The following CYP2C19 variants were observed in gnomAD, a reference collection of about 807,000 sequenced individuals.
The protein encoded by CYP2C19 is cytochrome P450 2C19.
A neutral mutation model predicts 40.9 loss-of-function variants in CYP2C19; 59 were observed. The observed-to-expected ratio is 1.44, with a 90% CI of 1.17 to 1.79. The LOEUF (loss-of-function observed/expected upper bound fraction) is 1.79. CYP2C19 is among the 40% of genes most tolerant of loss of function. The pLI is 0.00. For synonymous variants in CYP2C19, 253 were observed against 208.7 expected, an observed-to-expected ratio of 1.21 and a Z score of -1.83; for missense variants, 754 against 596.9, an observed-to-expected ratio of 1.26 and a Z score of -2.74.
chr10:94,813,059 A>C (rs1421928889), intron 5 of CYP2C19, among the ~76,000 whole-genome samples: 1 of 151,192 alleles, frequency 6.6e-6, no homozygotes, highest in Non-Finnish European at 1.5e-5. Context: ...TTGCGTGGAC[A>C]TCCTTTTTGT....
chr10:94,793,085 T>C (rs559675059), intron 5 of CYP2C19, among the ~76,000 whole-genome samples: 45 of 152,290 alleles, frequency 3.0e-4, no homozygotes, highest in Non-Finnish European at 5.7e-4. Flanking sequence ...ACTTCCCTTC[T>C]AGCTTCATTT....
At chr10:94,833,285 C>G (rs1219801509) in intron 6 of CYP2C19, among the ~76,000 whole-genome samples, 1 of 152,068 alleles carries the variant, frequency 6.6e-6, no homozygotes, top group African/African-American at 2.4e-5. Context: ...GCTAGGTCAT[C>G]TAGTAGTATG....
At chr10:94,839,478 CAG>C (rs1242606285) in intron 6 of CYP2C19, among the ~76,000 whole-genome samples, 4 of 152,322 alleles carry the variant, frequency 2.6e-5, no homozygotes, top group African/African-American at 9.6e-5. Flanking sequence ...CCTTTGTACT[CAG>C]GGGTGAGTCC....
chr10:94,791,696 T>C (rs1848607627), intron 5 of CYP2C19, among the ~76,000 whole-genome samples: 1 of 152,204 alleles, frequency 6.6e-6, no homozygotes, highest in Non-Finnish European at 1.5e-5. Context: ...TTCTTAATCC[T>C]GAGTTCTAGT....
intron 5 of CYP2C19, among the ~76,000 whole-genome samples, chr10:94,785,711 A>T (rs1011619561): frequency 1.3e-5 from 2 of 152,126 alleles, no homozygotes; most frequent in Non-Finnish European, 2.9e-5. Flanking sequence ...TCTGGCAAAG[A>T]GCATCGCGTA....
At chr10:94,795,922 C>T (rs1848679202) in intron 5 of CYP2C19, among the ~76,000 whole-genome samples, 1 of 152,000 alleles carries the variant, frequency 6.6e-6, no homozygotes, top group Non-Finnish European at 1.5e-5. Flanking sequence ...GAGTAGATTG[C>T]AAAAATTTTC....
intron 7 of CYP2C19, among the ~76,000 whole-genome samples, chr10:94,844,738 C>G (rs1168832008): frequency 6.6e-6 from 1 of 152,176 alleles, no homozygotes; most frequent in African/African-American, 2.4e-5. Context: ...CTTCAATGCA[C>G]TCTGTTTTCA....
At chr10:94,791,325 G>T (rs938594539) in intron 5 of CYP2C19, among the ~76,000 whole-genome samples, 3 of 151,970 alleles carry the variant, frequency 2.0e-5, no homozygotes, top group Non-Finnish European at 4.4e-5. Context: ...CCAGCTCCTG[G>T]ATTCATTAAC....
intron 6 of CYP2C19, among the ~76,000 whole-genome samples, chr10:94,827,794 G>A (rs1417766945): frequency 5.3e-5 from 8 of 151,954 alleles, no homozygotes; most frequent in South Asian, 2.1e-4. Context: ...TTCTCTTGTG[G>A]GCATTTAGTG....
chr10:94,782,980 G>T (rs1848498591), intron 5 of CYP2C19, among the ~76,000 whole-genome samples: 1 of 151,936 alleles, frequency 6.6e-6, no homozygotes, highest in South Asian at 2.1e-4. Flanking sequence ...GCTTGGGGAG[G>T]GATAACATTA....
At chr10:94,793,996 G>A (rs191991016) in intron 5 of CYP2C19, among the ~76,000 whole-genome samples, 7,881 of 152,144 alleles carry the variant, frequency 0.052, 259 homozygotes, top group South Asian at 0.12. Flanking sequence ...CTTGAGGTGC[G>A]GTGGTCTCCA....
intron 6 of CYP2C19, among the ~76,000 whole-genome samples, chr10:94,828,013 A>G (rs1188372244): frequency 2.0e-5 from 3 of 151,922 alleles, no homozygotes; most frequent in Admixed American, 1.3e-4. Flanking sequence ...GTTTGATTGC[A>G]CTGTGGTCTG....
rs568310876 is a variant in CYP2C19, at chr10:94,777,321, C to T, written c.481+1782C>T. ...AACTACTTTAAATTTCATATGGAAC[C>T]AAAAAAGAGCTTGTAAAGCCAAGAC... On this transcript the variant is annotated intron_variant, in intron 3 of 8. Transcript: ENST00000371321. Among the ~76,000 whole-genome samples the T allele has an allele frequency of 2.4e-3, 364 of 152,004 alleles. 2 individuals carry two copies. Among genetic ancestry groups the T allele is most frequent in the Admixed American group, 4.8e-3 (73 of 15,258 alleles).
At chr10:94,847,636 C>T (rs1021534580) in intron 7 of CYP2C19, among the ~76,000 whole-genome samples, 2 of 152,082 alleles carry the variant, frequency 1.3e-5, no homozygotes, top group Non-Finnish European at 2.9e-5. Flanking sequence ...AGTTCTAGAC[C>T]CCTGAGGAAT....
chr10:94,822,313 G>A (rs1385669766), intron 6 of CYP2C19, among the ~76,000 whole-genome samples: 2 of 152,104 alleles, frequency 1.3e-5, no homozygotes, highest in Non-Finnish European at 2.9e-5. Flanking sequence ...CACAAGAACA[G>A]CATGGGAACA....
At chr10:94,781,486 G>A (rs1035441046) in intron 4 of CYP2C19, among the ~76,000 whole-genome samples, 1 of 152,080 alleles carries the variant, frequency 6.6e-6, no homozygotes, top group African/African-American at 2.4e-5. Flanking sequence ...TCTCCAAAAT[G>A]TTAATGTAGT....
chr10:94,817,252 C>G (rs1253382205), intron 5 of CYP2C19, among the ~76,000 whole-genome samples: 3 of 148,930 alleles, frequency 2.0e-5, no homozygotes, highest in Non-Finnish European at 4.5e-5. Flanking sequence ...TGTTTCCTGA[C>G]TTTTTAATGA....
In CYP2C19 at chr10:94,781,931, C is replaced by G. The variant is rs148247410; in HGVS notation, c.753C>G (p.His251Gln). The G allele has an allele frequency of 7.3e-6, 11 of 1,509,616 alleles. No homozygotes were observed. Among genetic ancestry groups the G allele is most frequent in the Non-Finnish European group, 9.6e-6 (11 of 1,140,504 alleles). The allele number at this position is 1,509,616 out of a possible 1,614,324, so 93.5% of individuals were successfully genotyped here. ...ATATTTTGGAGAAAGTAAAAGAACA[C>G]CAAGAATCGATGGACATCAACAACC... ...ESDILEKVKEHQESMDINNPR... is the reference protein window; with the variant it reads ...ESDILEKVKEQQESMDINNPR... Residue 251 changes from histidine (H) to glutamine (Q), a missense_variant, in exon 5 of 9, where the codon CAC (histidine) becomes CAG (glutamine). Physicochemically the swap from His to Gln is conservative, Grantham distance 24. Coordinates refer to ENST00000371321, the MANE Select transcript of CYP2C19 (RefSeq NM_000769.4).
chr10:94,826,385 G>T (rs1564677829), intron 6 of CYP2C19, among the ~76,000 whole-genome samples: 1 of 152,124 alleles, frequency 6.6e-6, no homozygotes, highest in Non-Finnish European at 1.5e-5. Flanking sequence ...TCCCTTGTAA[G>T]TTGGATTCCT....
Sources: allele counts gnomAD v4.1 joint callset (sites outside exome capture counted in the v4.1 genomes callset), GRCh38; gene constraint gnomAD v4.1.1; transcripts MANE v1.5; gene names NCBI Gene and HGNC (gene_info 2026-07-23, HGNC 2026-07-21).